SEMA5A: variants seen among roughly 807,000 people sequenced by gnomAD.
SEMA5A encodes the protein semaphorin-5A.
In SEMA5A, 55 loss-of-function variants were observed where a neutral mutation model predicts 135.5. The observed-to-expected ratio is 0.41, with a 90% confidence interval of 0.33 to 0.51. SEMA5A has a LOEUF of 0.51. Among genes scored for constraint, SEMA5A ranks in the 20% least tolerant of loss-of-function variants. The pLI, the probability that SEMA5A is intolerant of heterozygous loss-of-function variation, is 0.37. For synonymous variants in SEMA5A, 580 were observed against 546.5 expected, an observed-to-expected ratio of 1.06 and a Z score of -0.85; for missense variants, 1,290 against 1,419.9, an observed-to-expected ratio of 0.91 and a Z score of 1.47.
chr5:9,206,768 C>T (rs921049620), intron 8 of SEMA5A, among the ~76,000 whole-genome samples: 2 of 151,554 alleles, frequency 1.3e-5, no homozygotes, highest in Non-Finnish European at 1.5e-5. Context: ...AGACACTTGC[C>T]AAAGTCAGGC....
chr5:9,297,760 C>A (rs1336882938), intron 5 of SEMA5A, among the ~76,000 whole-genome samples: 2 of 147,054 alleles, frequency 1.4e-5, no homozygotes, highest in Admixed American at 6.8e-5. Context: ...CAGGGTTTTT[C>A]CATGTTGCCC....
At chr5:9,170,711 G>A (rs1185320560) in intron 11 of SEMA5A, among the ~76,000 whole-genome samples, 1 of 152,168 alleles carries the variant, frequency 6.6e-6, no homozygotes, top group Non-Finnish European at 1.5e-5. Context: ...ACCCAAGCAT[G>A]CTGGCATCCT....
At chr5:9,466,216 T>C (rs1047493920) in intron 1 of SEMA5A, among the ~76,000 whole-genome samples, 2 of 151,374 alleles carry the variant, frequency 1.3e-5, no homozygotes, top group African/African-American at 2.4e-5. Context: ...CCGGGGACTG[T>C]TGTGGGGTGA....
intron 8 of SEMA5A, among the ~76,000 whole-genome samples, chr5:9,211,767 T>C (rs769471673): frequency 2.8e-4 from 42 of 152,236 alleles, no homozygotes; most frequent in Non-Finnish European, 4.1e-4. Flanking sequence ...ACCTCAAGGG[T>C]CTACTTAATG....
At chr5:9,217,270 T>C (rs1746682279) in intron 8 of SEMA5A, among the ~76,000 whole-genome samples, 1 of 152,246 alleles carries the variant, frequency 6.6e-6, no homozygotes, top group Non-Finnish European at 1.5e-5. Flanking sequence ...AAATTCTTGG[T>C]TGAAGACTTT....
At chr5:9,486,184 A>G (rs1734710843) in intron 1 of SEMA5A, among the ~76,000 whole-genome samples, 1 of 152,024 alleles carries the variant, frequency 6.6e-6, no homozygotes, top group Non-Finnish European at 1.5e-5. Flanking sequence ...AAAACGCAAC[A>G]CCACATGTTC....
chr5:9,302,785 G>A (rs952721345), intron 5 of SEMA5A, among the ~76,000 whole-genome samples: 3 of 152,130 alleles, frequency 2.0e-5, no homozygotes, highest in Non-Finnish European at 4.4e-5. Flanking sequence ...TTAGTTCAAT[G>A]TGTTTTCCCT....
At chr5:9,408,778 C>G (rs1050179352) in intron 2 of SEMA5A, among the ~76,000 whole-genome samples, 1 of 152,136 alleles carries the variant, frequency 6.6e-6, no homozygotes, top group Non-Finnish European at 1.5e-5. Context: ...ATCTCTGAAC[C>G]ACTCCAATGT....
chr5:9,422,228 G>A (rs1433712407), intron 2 of SEMA5A: 3 of 152,222 alleles, frequency 2.0e-5, no homozygotes, highest in Non-Finnish European at 4.4e-5. Flanking sequence ...CATTAACACA[G>A]TTGGTCTCAC....
intron 18 of SEMA5A, among the ~76,000 whole-genome samples, chr5:9,060,745 C>A (rs548704259): frequency 4.6e-5 from 7 of 152,254 alleles, no homozygotes; most frequent in African/African-American, 1.7e-4. Context: ...AGCTACAAAT[C>A]TGGAAACTAT....
chr5:9,296,535 A>T (rs763718628), intron 5 of SEMA5A, among the ~76,000 whole-genome samples: 43 of 152,200 alleles, frequency 2.8e-4, no homozygotes, highest in Non-Finnish European at 4.9e-4. Flanking sequence ...TCACAAATGC[A>T]TTGCTTAACA....
At chr5:9,188,720 C>T (rs936742565) in intron 11 of SEMA5A, among the ~76,000 whole-genome samples, 18 of 102,716 alleles carry the variant, frequency 1.8e-4, no homozygotes, top group Middle Eastern at 4.9e-3. Flanking sequence ...TATTCCGTGC[C>T]GGGTACCCTG....
At chr5:9,429,069 G>A (rs1466226262) in intron 2 of SEMA5A, among the ~76,000 whole-genome samples, 1 of 152,176 alleles carries the variant, frequency 6.6e-6, no homozygotes. Context: ...GACACAGAGG[G>A]GGTGTGACTT....
intron 13 of SEMA5A, among the ~76,000 whole-genome samples, chr5:9,132,935 C>T (rs1158135158): frequency 2.0e-5 from 3 of 152,186 alleles, no homozygotes; most frequent in East Asian, 1.9e-4. Flanking sequence ...GATCTATATA[C>T]GTAGAAGTAG....
chr5:9,314,545 G>T (rs1013956876), intron 5 of SEMA5A, among the ~76,000 whole-genome samples: 1 of 151,846 alleles, frequency 6.6e-6, no homozygotes, highest in African/African-American at 2.4e-5. Context: ...TACCTATTTG[G>T]CTCACATGGT....
chr5:9,074,581 G>T (rs934256040), intron 16 of SEMA5A, among the ~76,000 whole-genome samples: 1 of 152,110 alleles, frequency 6.6e-6, no homozygotes, highest in Non-Finnish European at 1.5e-5. Flanking sequence ...GAAAGTATTT[G>T]CAAATCATGT....
In SEMA5A at chr5:9,037,097, A is replaced by G. The variant is rs968052917; in HGVS notation, c.*5800T>C. On this transcript the variant is annotated 3_prime_UTR_variant, in exon 23 of 23. Coordinates refer to ENST00000382496, the MANE Select transcript of SEMA5A (RefSeq NM_003966.3). ...GCCCCAGATTTTAGAGCAAATATGA[A>G]GGGGTGGAATAAATTTTCTTGCTTG... The G allele has an allele frequency of 1.3e-5, 2 of 152,206 alleles. No individual in the cohort carries two copies. The allele number at this position is 152,206 out of a possible 1,614,324, so 9.4% of individuals were successfully genotyped here.
chr5:9,356,845 C>A (rs578162932), intron 3 of SEMA5A, among the ~76,000 whole-genome samples: 1 of 152,270 alleles, frequency 6.6e-6, no homozygotes, highest in South Asian at 2.1e-4. Flanking sequence ...GTAAGAGCTC[C>A]TTTCTTCCAG....
chr5:9,219,109 C>A (rs1746791714), intron 8 of SEMA5A, among the ~76,000 whole-genome samples: 1 of 152,222 alleles, frequency 6.6e-6, no homozygotes, highest in African/African-American at 2.4e-5. Context: ...AAGGGCCAAG[C>A]CTCAGATCGT....
Sources: allele counts gnomAD v4.1 joint callset (sites outside exome capture counted in the v4.1 genomes callset), GRCh38; gene constraint gnomAD v4.1.1; transcripts MANE v1.5; gene names NCBI Gene and HGNC (gene_info 2026-07-23, HGNC 2026-07-21).